The following RALYL variants were observed in gnomAD, a reference collection of about 807,000 sequenced individuals.
RALYL encodes the protein RALY RNA binding protein like.
In RALYL, 29 loss-of-function variants were observed where a neutral mutation model predicts 35.1. The ratio of observed to expected loss-of-function variants is 0.83; its 90% CI spans 0.61 to 1.13. The LOEUF (loss-of-function observed/expected upper bound fraction) is 1.13. Ranked by LOEUF, RALYL falls within the 50% of genes most tolerant of loss-of-function variation. RALYL has a pLI of 0.00. For missense variants in RALYL, 359 were observed against 360.4 expected (o/e 1.00, Z 0.03); for synonymous variants, 120 against 127.6 (o/e 0.94, Z 0.40).
At chr8:84,849,941 GA>G in intron 4 of RALYL, 38 bp from the exon 5 acceptor site, 1 of 1,197,436 alleles carries the variant, frequency 8.4e-7, no homozygotes. Flanking sequence ...TAATGTCATT[GA>G]AACAAATGCC....
intron 1 of RALYL, among the ~76,000 whole-genome samples, chr8:84,490,826 A>T (rs2055206275): frequency 6.6e-6 from 1 of 151,772 alleles, no homozygotes; most frequent in African/African-American, 2.4e-5. Flanking sequence ...GGGGAAAGCA[A>T]GGACATCTAG....
chr8:84,220,728 A>AT, intron 1 of RALYL, among the ~76,000 whole-genome samples: 1 of 152,134 alleles, frequency 6.6e-6, no homozygotes, highest in Admixed American at 6.6e-5. Flanking sequence ...TCATGCAATT[A>AT]AGTCAAACAA....
chr8:84,617,401 G>T (rs1407329869), intron 2 of RALYL, among the ~76,000 whole-genome samples: 1 of 148,532 alleles, frequency 6.7e-6, no homozygotes, highest in Non-Finnish European at 1.5e-5. Flanking sequence ...TTTGTCTGTT[G>T]TTGGTGTATA....
intron 8 of RALYL, among the ~76,000 whole-genome samples, chr8:84,910,352 C>G: frequency 6.6e-6 from 1 of 152,166 alleles, no homozygotes; most frequent in East Asian, 1.9e-4. Context: ...GTTAGTCATA[C>G]TATCAAAGTC....
intron 1 of RALYL, among the ~76,000 whole-genome samples, chr8:84,351,459 G>A (rs1850866723): frequency 6.7e-6 from 1 of 149,256 alleles, no homozygotes. Flanking sequence ...GGTACAGAGG[G>A]ACTTTTCCAG....
rs1386591998 is a variant in RALYL, at chr8:84,213,143, C to A, written c.-24+28719C>A. Among the ~76,000 whole-genome samples, 9 of 152,114 alleles carry A rather than the reference C, an allele frequency of 5.9e-5. No homozygotes were observed. The South Asian group carries it at 1.0e-3, about 17-fold the overall frequency. ...TGGTGGCTCATGCCTGTAATCCCAG[C>A]ACTTTGGGAGGCCGAGGCGGGCGGG... is the stretch of plus-strand genomic sequence containing the variant. On this transcript the variant is annotated intron_variant, in intron 1 of 8. Transcript: ENST00000521268.
At position 84,689,023 on chromosome 8, in the gene RALYL, C is replaced by G. The variant is rs563307501; in HGVS notation, c.257-85556C>G. Reference sequence around the variant, plus strand: ...AATCCAAACCGCAATAAGATATTAACTCATACACTATTAGACTGACTCATA... The same window carrying G: ...AATCCAAACCGCAATAAGATATTAAGTCATACACTATTAGACTGACTCATA... On this transcript the variant is annotated intron_variant, in intron 2 of 8. Transcript: ENST00000521268. Among the ~76,000 whole-genome samples the G allele has an allele frequency of 1.9e-3, 287 of 151,580 alleles. 2 individuals carry two copies. Among genetic ancestry groups the G allele is most frequent in the African/African-American group, 6.4e-3 (265 of 41,412 alleles).
intron 7 of RALYL, among the ~76,000 whole-genome samples, chr8:84,876,120 C>T (rs1841094995): frequency 6.6e-6 from 1 of 152,014 alleles, no homozygotes; most frequent in Non-Finnish European, 1.5e-5. Context: ...TGTGTGGTGT[C>T]CTGTCATTTG....
intron 2 of RALYL, among the ~76,000 whole-genome samples, chr8:84,567,371 C>A (rs939640632): frequency 1.3e-5 from 2 of 151,746 alleles, no homozygotes; most frequent in Non-Finnish European, 2.9e-5. Flanking sequence ...TACCACCCTC[C>A]CTTTTTGGAG....
intron 1 of RALYL, among the ~76,000 whole-genome samples, chr8:84,429,986 G>A (rs2046968456): frequency 6.6e-6 from 1 of 150,924 alleles, no homozygotes; most frequent in Non-Finnish European, 1.5e-5. Context: ...GAAAAGATAG[G>A]AAATAGACTT....
At chr8:84,560,309 AAAG>A (rs1385618558) in intron 2 of RALYL, among the ~76,000 whole-genome samples, 2 of 152,014 alleles carry the variant, frequency 1.3e-5, no homozygotes, top group African/African-American at 4.8e-5. Flanking sequence ...ATTTCTCAAA[AAAG>A]GGGAAATTAT....
At chr8:84,436,411 G>A (rs1247858622) in intron 1 of RALYL, among the ~76,000 whole-genome samples, 1 of 151,984 alleles carries the variant, frequency 6.6e-6, no homozygotes, top group Non-Finnish European at 1.5e-5. Context: ...ATATAAGGCA[G>A]CCTATCCCCT....
chr8:84,407,001 C>CCTCTCTCT (rs151279468), intron 1 of RALYL, among the ~76,000 whole-genome samples: 2 of 148,550 alleles, frequency 1.3e-5, no homozygotes, highest in Admixed American at 1.3e-4. Flanking sequence ...TCTCTCTCTC[C>CCTCTCTCT]CTCTCTCTCT....
intron 2 of RALYL, among the ~76,000 whole-genome samples, chr8:84,682,262 T>C (rs1835711520): frequency 6.6e-6 from 1 of 152,216 alleles, no homozygotes; most frequent in African/African-American, 2.4e-5. Context: ...TTGAGGATTT[T>C]TGCATCAATG....
chr8:84,568,898 GT>G (rs1158541404), intron 2 of RALYL, among the ~76,000 whole-genome samples: 3 of 151,754 alleles, frequency 2.0e-5, no homozygotes, highest in Non-Finnish European at 1.5e-5. Context: ...TGATGGGGTT[GT>G]TTTTTTCTTG....
chr8:84,430,128 A>G (rs2046983993), intron 1 of RALYL, among the ~76,000 whole-genome samples: 1 of 152,098 alleles, frequency 6.6e-6, no homozygotes, highest in African/African-American at 2.4e-5. Flanking sequence ...ATTCCATGCT[A>G]AACAACTTGC....
At chr8:84,235,518 A>G (rs1452736373) in intron 1 of RALYL, among the ~76,000 whole-genome samples, 1 of 152,230 alleles carries the variant, frequency 6.6e-6, no homozygotes, top group African/African-American at 2.4e-5. Context: ...TGGCATGGCC[A>G]GAAGATAACC....
chr8:84,529,967 C>A (rs1419142517), intron 2 of RALYL, among the ~76,000 whole-genome samples: 2 of 152,028 alleles, frequency 1.3e-5, no homozygotes, highest in East Asian at 3.9e-4. Flanking sequence ...AATGCATTTT[C>A]CTCATTTCCT....
rs1405997894 is a variant in RALYL at position 84,905,805 on chromosome 8, T to C, written c.859-15089T>C. The stretch of plus-strand genomic sequence containing the variant: ...TCTGCCTCCCGGGTTCAAGCAATTA[T>C]GCATACTATTTTTTTTAATTATCCT... On this transcript the variant is annotated intron_variant, in intron 8 of 8. Transcript: ENST00000521268. Among the ~76,000 whole-genome samples, 10 of 151,830 alleles carry C rather than the reference T, an allele frequency of 6.6e-5. No homozygotes were observed. The Admixed American group carries it at 6.6e-4, about 10-fold the overall frequency.
Sources: gnomAD v4.1 joint callset for allele counts (sites outside exome capture counted in the v4.1 genomes callset) on GRCh38, gnomAD v4.1.1 for gene constraint, MANE v1.5 for transcripts, NCBI Gene and HGNC (gene_info 2026-07-23, HGNC 2026-07-21) for gene names.